The following TNIK variants were observed in gnomAD, a reference collection of about 807,000 sequenced individuals.
TNIK encodes TRAF2 and NCK interacting kinase, also known as TRAF2 and NCK-interacting protein kinase.
Under a neutral mutation model 191.3 loss-of-function variants are expected in TNIK, and 49 were observed. The observed-to-expected ratio is 0.26, with a 90% CI of 0.20 to 0.32. The LOEUF (loss-of-function observed/expected upper bound fraction) is 0.32. Ranked by LOEUF, TNIK falls within the 10% of genes least tolerant of loss-of-function variation. The pLI, the probability that TNIK is intolerant of heterozygous loss-of-function variation, is 1.00. For missense variants in TNIK, 1,155 were observed against 1,702.3 expected (o/e 0.68, Z 5.66); for synonymous variants, 594 against 600.9 (o/e 0.99, Z 0.17).
intron 2 of TNIK, among the ~76,000 whole-genome samples, chr3:171,279,781 T>C (rs1303388765): frequency 3.3e-5 from 5 of 152,196 alleles, no homozygotes; most frequent in Admixed American, 2.0e-4. Context: ...ATTATGATCA[T>C]CTCCATTTTG....
chr3:171,412,796 G>A (rs1722573262), intron 1 of TNIK, among the ~76,000 whole-genome samples: 1 of 152,216 alleles, frequency 6.6e-6, no homozygotes, highest in Non-Finnish European at 1.5e-5. Flanking sequence ...CAGCAAAATA[G>A]GGATAATACC....
chr3:171,404,894 C>A lies in TNIK; in HGVS notation c.58-35209G>T, dbSNP rs7621500. The stretch of plus-strand genomic sequence containing the variant: ...TATTTTCTCTATGCCAAGCCTATAA[C>A]ACATCAGCTTGATTCAAATCTTTAA... On this transcript the variant is annotated intron_variant, in intron 1 of 32. Coordinates refer to ENST00000436636, the MANE Select transcript of TNIK (RefSeq NM_015028.4). Among the ~76,000 whole-genome samples the A allele has an allele frequency of 4.0e-3, 612 of 152,268 alleles. 3 individuals carry two copies. Among genetic ancestry groups the A allele is most frequent in the African/African-American group, 0.014 (582 of 41,532 alleles).
chr3:171,400,254 C>A (rs1720750312), intron 1 of TNIK, among the ~76,000 whole-genome samples: 1 of 152,142 alleles, frequency 6.6e-6, no homozygotes, highest in African/African-American at 2.4e-5. Context: ...CTGGTGTTCT[C>A]ATTTTCCTCA....
intron 31 of TNIK, 107 bp downstream of exon 31, chr3:171,066,467 ATT>A (rs145832204): frequency 0.034 from 43,254 of 1,263,404 alleles, 8 homozygotes; most frequent in East Asian, 0.06. Flanking sequence ...TTATTCACAG[ATT>A]TTTTTTTTTT....
intron 1 of TNIK, among the ~76,000 whole-genome samples, chr3:171,376,443 G>C (rs981112761): frequency 6.6e-6 from 1 of 152,058 alleles, no homozygotes; most frequent in African/African-American, 2.4e-5. Flanking sequence ...ACCCTCCCTC[G>C]CCACCTACTG....
chr3:171,208,305 A>G (rs1243155843), intron 4 of TNIK, among the ~76,000 whole-genome samples: 1 of 152,188 alleles, frequency 6.6e-6, no homozygotes, highest in Non-Finnish European at 1.5e-5. Flanking sequence ...TGGAGGACAG[A>G]GCAAGACCCT....
intron 18 of TNIK, among the ~76,000 whole-genome samples, chr3:171,117,697 G>A (rs562354812): frequency 1.2e-3 from 189 of 152,230 alleles, no homozygotes; most frequent in African/African-American, 4.0e-3. Context: ...CTGGCCGGGC[G>A]CGGTGGCTCA....
chr3:171,400,100 G>A (rs944602449), intron 1 of TNIK, among the ~76,000 whole-genome samples: 4 of 152,100 alleles, frequency 2.6e-5, no homozygotes, highest in African/African-American at 7.2e-5. Context: ...GAGTGGACCC[G>A]GGACCTGATG....
In TNIK at chr3:171,060,845, C is replaced by A. The variant is rs1436260106; in HGVS notation, c.*3036G>T. On this transcript the variant is annotated 3_prime_UTR_variant, in exon 33 of 33. Coordinates refer to ENST00000436636, the MANE Select transcript of TNIK (RefSeq NM_015028.4). ...AGACCCAGACTATGGTGTGGGCAGG[C>A]TCAGTAGATTTTACTGGATGATTAT... 6.6e-6 allele frequency among the ~76,000 whole-genome samples: 1 copy of A among 152,078 alleles called. No homozygotes were observed. Among genetic ancestry groups the A allele is most frequent in the Non-Finnish European group, 1.5e-5 (1 of 68,030 alleles).
chr3:171,345,569 G>A (rs965242943), intron 2 of TNIK, among the ~76,000 whole-genome samples: 2 of 144,392 alleles, frequency 1.4e-5, no homozygotes, highest in African/African-American at 2.9e-5. Context: ...AGCTGCAATG[G>A]AGCATACAAT....
chr3:171,409,987 A>G (rs955142098), intron 1 of TNIK, among the ~76,000 whole-genome samples: 17 of 151,940 alleles, frequency 1.1e-4, no homozygotes, highest in African/African-American at 4.1e-4. Flanking sequence ...AGAGAAAGGG[A>G]AATTTATATT....
chr3:171,333,173 T>C (rs1163648725), intron 2 of TNIK, among the ~76,000 whole-genome samples: 1 of 152,054 alleles, frequency 6.6e-6, no homozygotes, highest in Non-Finnish European at 1.5e-5. Flanking sequence ...AGGGAGTGTG[T>C]GTGTGTGTCT....
At chr3:171,092,135 A>T (rs1722158121) in intron 23 of TNIK, among the ~76,000 whole-genome samples, 1 of 151,892 alleles carries the variant, frequency 6.6e-6, no homozygotes. Flanking sequence ...TTTTTAGTAG[A>T]GACGGGATTT....
intron 2 of TNIK, among the ~76,000 whole-genome samples, chr3:171,241,915 G>A (rs936529032): frequency 5.3e-5 from 8 of 151,816 alleles, no homozygotes; most frequent in Non-Finnish European, 8.8e-5. Context: ...GCTATTGCAA[G>A]GACAAAAAAC....
At chr3:171,412,374 C>T (rs998755665) in intron 1 of TNIK, among the ~76,000 whole-genome samples, 2 of 152,116 alleles carry the variant, frequency 1.3e-5, no homozygotes, top group Admixed American at 1.3e-4. Flanking sequence ...TGTGCACAAA[C>T]TGAAATGAAT....
intron 18 of TNIK, among the ~76,000 whole-genome samples, chr3:171,120,397 T>C (rs1369093868): frequency 6.7e-6 from 1 of 150,084 alleles, no homozygotes; most frequent in African/African-American, 2.5e-5. Context: ...CTCGGCTCAC[T>C]GCAAGCTCCG....
Position 171,101,617 on chromosome 3 carries a change from G to A in TNIK, c.2423C>T (p.Ala808Val). Residue 808 changes from alanine to valine, a missense_variant, in exon 22 of 33, where the codon GCC (alanine) becomes GTC (valine). Physicochemically the swap from Ala to Val is moderately conservative, Grantham distance 64. Transcript: ENST00000436636. The stretch of plus-strand genomic sequence containing the variant: ...AATCCGGAGTTCTCTTAGTTCTTTG[G>A]CTAATGCCGTCAGATCCTATGAAAG... ...KAIDEDLTAL[A>V]KELRELRIEE... is the part of the protein sequence containing the mutation. 1 of 1,612,796 alleles carries A rather than the reference G, an allele frequency of 6.2e-7. No homozygotes were observed.
In TNIK at chr3:171,085,264, T is replaced by C. The variant is rs368289203; in HGVS notation, c.2887-35A>G. On this transcript the variant is annotated intron_variant, in intron 24 of 32. Transcript: ENST00000436636. ...AAGCAAGAAGATTAAGAAGAGCAGA[T>C]AAATACTGCAGGAATAACAATGCTA... 12 of 1,545,710 alleles carry C rather than the reference T, an allele frequency of 7.8e-6. No individual in the cohort carries two copies. In the African/African-American group the frequency reaches 1.6e-4, roughly 21 times the overall value.
At chr3:171,140,974 T>C (rs1355114865) in intron 12 of TNIK, among the ~76,000 whole-genome samples, 2 of 152,188 alleles carry the variant, frequency 1.3e-5, no homozygotes, top group Non-Finnish European at 2.9e-5. Context: ...CCATACAGAA[T>C]TGATGGCAGA....
Sources: allele counts gnomAD v4.1 joint callset (sites outside exome capture counted in the v4.1 genomes callset), GRCh38; gene constraint gnomAD v4.1.1; transcripts MANE v1.5; gene names NCBI Gene and HGNC (gene_info 2026-07-23, HGNC 2026-07-21).